The following FANCE variants were observed in gnomAD, a reference collection of about 807,000 sequenced individuals.
The protein encoded by FANCE is Fanconi anemia group E protein.
FANCE carries 42 observed loss-of-function variants against 57.8 expected under a neutral mutation model. That is an observed-to-expected ratio of 0.73 (90% CI 0.57 to 0.94). The LOEUF (loss-of-function observed/expected upper bound fraction) is 0.94, where lower values mean the gene tolerates loss of function less well. FANCE is among the 40% of genes least tolerant of loss of function. FANCE has a pLI of 0.00. For synonymous variants in FANCE, 251 were observed against 286.4 expected, an observed-to-expected ratio of 0.88 and a Z score of 1.25; for missense variants, 608 against 661.8, an observed-to-expected ratio of 0.92 and a Z score of 0.89.
Position 35,457,937 on chromosome 6 carries a change from G to GC in FANCE, c.929dup (p.Val311SerfsTer2), listed in dbSNP as rs587778337. The GC allele has an allele frequency of 1.1e-4, 173 of 1,613,614 alleles. No homozygotes were observed. The highest frequency in any genetic ancestry group is 1.3e-4 in the Non-Finnish European group (156 of 1,179,910). On this transcript the variant is annotated frameshift_variant, in exon 4 of 10. Coordinates refer to ENST00000229769, the MANE Select transcript of FANCE (RefSeq NM_021922.3). LOFTEE classifies it high-confidence loss of function. ...CCAGGGGTTAGAGGGATTGGAGGAT[G>GC]CCCCCCCAGTTGAGCTACAGCTTCT... is the stretch of plus-strand genomic sequence containing the variant.
At chr6:35,464,605 G>A (rs554194866) in intron 9 of FANCE, among the ~76,000 whole-genome samples, 1 of 152,036 alleles carries the variant, frequency 6.6e-6, no homozygotes, top group African/African-American at 2.4e-5. Flanking sequence ...CTCCCATCTT[G>A]GCCTCCCAAA....
At chr6:35,458,106 C>G in intron 4 of FANCE, 122 bp downstream of exon 4, 1 of 1,240,312 alleles carries the variant, frequency 8.1e-7, no homozygotes, top group Non-Finnish European at 1.2e-6. Context: ...TGTTTTCTCT[C>G]TCAGCGATAG....
chr6:35,456,433 C>CT lies in FANCE; in HGVS notation c.855+85dup. The CT allele has an allele frequency of 2.5e-6, 4 of 1,582,920 alleles. No individual in the cohort carries two copies. Among genetic ancestry groups the CT allele is most frequent in the Non-Finnish European group, 3.5e-6 (4 of 1,152,962 alleles). ...TCCATGGGGAAGGCTGCTTGGGACA[C>CT]TTTTTCCCAATGGAGTTGACTGTAG... On this transcript the variant is annotated intron_variant, in intron 2 of 9. Coordinates refer to ENST00000229769, the MANE Select transcript of FANCE (RefSeq NM_021922.3). This position sits in a 1 kb window ranked among gnomAD's most constrained non-coding sequence, Gnocchi z 4.3.
chr6:35,466,388 T>C lies in FANCE; in HGVS notation c.*43T>C. 8.2e-7 allele frequency: 1 copy of C among 1,226,102 alleles called. No homozygotes were observed. Among genetic ancestry groups the C allele is most frequent in the Non-Finnish European group, 1.2e-6 (1 of 825,904 alleles). The allele number at this position is 1,226,102 out of a possible 1,614,324, so 76.0% of individuals were successfully genotyped here. ...ACCCTCTTGGTGCTCCATCACCAGC[T>C]TCCTGAAGGGCATTTCTTTCTTCAC... is the stretch of plus-strand genomic sequence containing the variant. On this transcript the variant is annotated 3_prime_UTR_variant, in exon 10 of 10. Transcript: ENST00000229769.
At chr6:35,464,401 C>T (rs1381182784) in intron 9 of FANCE, among the ~76,000 whole-genome samples, 1 of 151,742 alleles carries the variant, frequency 6.6e-6, no homozygotes, top group African/African-American at 2.4e-5. Flanking sequence ...CCATGCCCGG[C>T]TAATTTTTTG....
chr6:35,461,203 T>G (rs1767576930), intron 8 of FANCE, among the ~76,000 whole-genome samples: 1 of 152,194 alleles, frequency 6.6e-6, no homozygotes, highest in Admixed American at 6.5e-5. Flanking sequence ...CTAATTTTTG[T>G]ATTTTTAGTA....
intron 7 of FANCE, 77 bp from the exon 8 acceptor site, chr6:35,460,475 G>A: frequency 1.4e-6 from 2 of 1,414,240 alleles, no homozygotes; most frequent in Non-Finnish European, 2.0e-6. Context: ...GCCCTGCTGT[G>A]GGAGTTGGAG....
chr6:35,464,827 G>GA (rs1361378454), intron 9 of FANCE, among the ~76,000 whole-genome samples: 5 of 149,848 alleles, frequency 3.3e-5, no homozygotes, highest in Non-Finnish European at 7.4e-5. Flanking sequence ...CCGCCTCCTG[G>GA]GTTCACGCCA....
In FANCE at chr6:35,466,600, TG is replaced by T; in HGVS notation, c.*256del. ...TTGTTTTTGAGAGAAGGTATTGCTCTGTCATCCAGGCTGGAGTGCAGTGATG... is the reference window on the plus strand; with the variant it reads ...TTGTTTTTGAGAGAAGGTATTGCTCTTCATCCAGGCTGGAGTGCAGTGATG... On this transcript the variant is annotated 3_prime_UTR_variant, in exon 10 of 10. Transcript: ENST00000229769. The T allele has an allele frequency of 2.0e-6, 1 of 488,452 alleles. No individual in the cohort carries two copies. Among genetic ancestry groups the T allele is most frequent in the South Asian group, 2.1e-5 (1 of 48,452 alleles). 30.3% of individuals were successfully genotyped at this position (488,452 alleles called of 1,614,324 possible). A position where few individuals can be genotyped will look rare whatever the true frequency, so the allele number is the denominator to read the frequency against.
In FANCE at chr6:35,452,464, C is replaced by T; in HGVS notation, c.-82C>T. On this transcript the variant is annotated 5_prime_UTR_variant, in exon 1 of 10. Coordinates refer to ENST00000229769, the MANE Select transcript of FANCE (RefSeq NM_021922.3). ...CCCGCCACCGCCGCGTCAGGGACGG[C>T]GCTGGAGTCCTCCGTTCCCCTCAGC... 1 of 1,188,770 alleles carries T rather than the reference C, an allele frequency of 8.4e-7. No homozygotes were observed. Among genetic ancestry groups the T allele is most frequent in the Admixed American group, 4.4e-5 (1 of 22,762 alleles). The allele number at this position is 1,188,770 out of a possible 1,614,324, so 73.6% of individuals were successfully genotyped here. A position where few individuals can be genotyped will look rare whatever the true frequency, so the allele number is the denominator to read the frequency against.
At chr6:35,462,663 G>A (rs2091634659) in intron 8 of FANCE, 126 bp from the exon 9 acceptor site, 6 of 1,173,422 alleles carry the variant, frequency 5.1e-6, no homozygotes, top group African/African-American at 1.5e-5. Flanking sequence ...GGTTTAGGTT[G>A]GTTAAGTTAC....
rs749023310 is a variant in FANCE, at chr6:35,455,741, AC to A, written c.249-3del. 2 of 1,613,688 alleles carry A rather than the reference AC, an allele frequency of 1.2e-6. No homozygotes were observed. The highest frequency in any genetic ancestry group is 1.7e-6 in the Non-Finnish European group (2 of 1,180,008). ...CTTAACTGCTTGCTCTCCCTCTGCT[AC>A]CCAGGAAACCACTGTTGCTGCGATT... On this transcript the variant is annotated splice_polypyrimidine_tract_variant and splice_region_variant and intron_variant, in intron 1 of 9. Transcript: ENST00000229769.
intron 2 of FANCE, 143 bp from the exon 3 acceptor site, chr6:35,457,413 G>T: frequency 1.2e-6 from 1 of 829,072 alleles, no homozygotes; most frequent in Non-Finnish European, 2.0e-6. Context: ...GAGCCACCGC[G>T]CTTGGCCTCT....
chr6:35,457,891 CCTAACATGAG>C lies in FANCE; in HGVS notation c.901-24_901-15del, dbSNP rs767161424. 6.2e-7 allele frequency: 1 copy of C among 1,607,452 alleles called. No homozygotes were observed. ...ACTTGTCACTGAGGGCTCTGCCAGC[CCTAACATGAG>C]ATTTGTCTCCCCAGGGGTTAGAGGG... On this transcript the variant is annotated splice_polypyrimidine_tract_variant and intron_variant, in intron 3 of 9. Coordinates refer to ENST00000229769, the MANE Select transcript of FANCE (RefSeq NM_021922.3).
chr6:35,452,502 G>A lies in FANCE; in HGVS notation c.-44G>A. ...CGTTCCCCTCAGCCTCTGAGCTGAG[G>A]CCCCACACCAGAGTAGGGGGCGGCG... On this transcript the variant is annotated 5_prime_UTR_variant, in exon 1 of 10. Transcript: ENST00000229769. The A allele has an allele frequency of 1.6e-6, 2 of 1,238,534 alleles. No homozygotes were observed. Among genetic ancestry groups the A allele is most frequent in the South Asian group, 6.9e-5 (2 of 28,974 alleles). The allele number at this position is 1,238,534 out of a possible 1,614,324, so 76.7% of individuals were successfully genotyped here. A position where few individuals can be genotyped will look rare whatever the true frequency, so the allele number is the denominator to read the frequency against.
intron 3 of FANCE, 77 bp from the exon 4 acceptor site, chr6:35,457,839 C>T: frequency 7.6e-7 from 1 of 1,310,620 alleles, no homozygotes; most frequent in African/African-American, 1.5e-5. Context: ...GCCACTCCTT[C>T]TGCCACCTGA....
chr6:35,459,495 C>CA, intron 6 of FANCE, 41 bp downstream of exon 6: 1 of 1,613,360 alleles, frequency 6.2e-7, no homozygotes, highest in Non-Finnish European at 8.5e-7. Flanking sequence ...GCTCTGCCCT[C>CA]AGTGTTCTCA....
At chr6:35,458,110 G>C (rs1767422350) in intron 4 of FANCE, 126 bp downstream of exon 4, 7 of 1,210,958 alleles carry the variant, frequency 5.8e-6, no homozygotes, top group Non-Finnish European at 8.4e-6. Flanking sequence ...TTCTCTCTCA[G>C]CGATAGGGGT....
At chr6:35,463,065 C>G in intron 9 of FANCE, 151 bp downstream of exon 9, 1 of 1,056,784 alleles carries the variant, frequency 9.5e-7, no homozygotes, top group Non-Finnish European at 1.4e-6. Context: ...CTTTGGGAGG[C>G]CGAGGCAGGC....
Sources: gnomAD v4.1 joint callset for allele counts (sites outside exome capture counted in the v4.1 genomes callset) on GRCh38, gnomAD v4.1.1 for gene constraint, Gnocchi (gnomAD v3.1) non-coding constraint, MANE v1.5 for transcripts, NCBI Gene and HGNC (gene_info 2026-07-23, HGNC 2026-07-21) for gene names.